Variants in ADGRV1 observed in about 807,000 individuals in gnomAD.
ADGRV1 encodes G-protein coupled receptor 98.
ADGRV1 carries 359 observed loss-of-function variants against 596.2 expected under a neutral mutation model. That is an observed-to-expected ratio of 0.60 (90% CI 0.55 to 0.66). The LOEUF is 0.66. Ranked by LOEUF, ADGRV1 falls within the 30% of genes least tolerant of loss-of-function variation. The probability of loss-of-function intolerance (pLI) is 0.00; values close to 1 mark genes in which losing one functional copy is unlikely to be tolerated. For missense variants in ADGRV1, 7,274 were observed against 7,575.6 expected, an observed-to-expected ratio of 0.96 and a Z score of 1.48; for synonymous variants, 2,681 against 2,679.2, an observed-to-expected ratio of 1.00 and a Z score of -0.02.
chr5:91,116,020 T>C (rs570251922), intron 87 of ADGRV1, among the ~76,000 whole-genome samples: 8 of 152,136 alleles, frequency 5.3e-5, no homozygotes, highest in East Asian at 1.9e-4. Context: ...TTGCGCCAAA[T>C]GGATAGCACT....
chr5:90,991,581 G>A (rs535778822), intron 85 of ADGRV1, among the ~76,000 whole-genome samples: 6 of 152,108 alleles, frequency 3.9e-5, no homozygotes, highest in African/African-American at 1.4e-4. Flanking sequence ...GTCCAGCCTA[G>A]TTTTTTAGTA....
rs748482277 is a variant in ADGRV1 at position 90,790,926 on chromosome 5, C to A, written c.14097C>A (p.Thr4699=). The change falls in exon 70 of 90, where the codon ACC becomes ACA. Residue 4699 remains threonine (T), a synonymous_variant. Transcript: ENST00000405460. ...EFDITEDFLS[T]SGFFTIADGE... Reference sequence around the variant, plus strand: ...ACATTACTGAAGACTTTCTTTCCACCAGTGGATTTTTCACCATTGCTGATG... The same window carrying A: ...ACATTACTGAAGACTTTCTTTCCACAAGTGGATTTTTCACCATTGCTGATG... 2.5e-6 allele frequency: 4 copies of A among 1,612,000 alleles called. No individual in the cohort carries two copies. Among genetic ancestry groups the A allele is most frequent in the Non-Finnish European group, 3.4e-6 (4 of 1,179,724 alleles).
chr5:90,807,831 T>C (rs1762052805), intron 73 of ADGRV1, 94 bp downstream of exon 73: 2 of 1,134,518 alleles, frequency 1.8e-6, no homozygotes. Context: ...GTTATTCTCC[T>C]TGAAGCAAAC....
chr5:90,603,344 C>T (rs1761658169), intron 1 of ADGRV1, among the ~76,000 whole-genome samples: 1 of 152,168 alleles, frequency 6.6e-6, no homozygotes, highest in Admixed American at 6.5e-5. Flanking sequence ...TTCAAACATT[C>T]CTTCACTCTA....
chr5:90,928,829 T>G (rs953625431), intron 83 of ADGRV1, among the ~76,000 whole-genome samples: 20 of 151,264 alleles, frequency 1.3e-4, no homozygotes, highest in East Asian at 3.9e-4. Flanking sequence ...GTCCTTTCTG[T>G]TTGTTAGTTT....
intron 86 of ADGRV1, among the ~76,000 whole-genome samples, chr5:91,084,582 G>C (rs1789695860): frequency 6.6e-6 from 1 of 152,162 alleles, no homozygotes; most frequent in Non-Finnish European, 1.5e-5. Flanking sequence ...GGAAAGAACA[G>C]GTGCTGGAGA....
At chr5:90,574,593 C>T (rs913257961) in intron 1 of ADGRV1, among the ~76,000 whole-genome samples, 61 of 152,148 alleles carry the variant, frequency 4.0e-4, no homozygotes, top group Non-Finnish European at 6.2e-4. Flanking sequence ...ATCGGGTTGA[C>T]GCCAGCTTCA....
chr5:91,098,158 CA>C (rs1211571402), intron 86 of ADGRV1, among the ~76,000 whole-genome samples: 1 of 152,176 alleles, frequency 6.6e-6, no homozygotes, highest in African/African-American at 2.4e-5. Context: ...AGTAGTTCAT[CA>C]AATGCGAAAT....
chr5:90,782,234 A>T (rs1254747845), intron 65 of ADGRV1, among the ~76,000 whole-genome samples: 1 of 152,150 alleles, frequency 6.6e-6, no homozygotes, highest in Non-Finnish European at 1.5e-5. Flanking sequence ...TTCTTTGGTT[A>T]TCTAGCCATT....
chr5:90,807,695 T>C lies in ADGRV1; in HGVS notation c.14930T>C (p.Leu4977Pro). The stretch of plus-strand genomic sequence containing the variant: ...TGGCCAGAGGCCTTTGTTCTTCACC[T>C]ATCAGGAGTGCAGAGCAGTGCTCCT... Reference protein sequence around the residue: ...PGWPEAFVLHLSGVQSSAPGG... With the variant: ...PGWPEAFVLHPSGVQSSAPGG... Residue 4977 changes from leucine to proline, a missense_variant, in exon 73 of 90, where the codon CTA becomes CCA. Coordinates refer to ENST00000405460, the MANE Select transcript of ADGRV1 (RefSeq NM_032119.4). The C allele has an allele frequency of 1.9e-6, 3 of 1,609,552 alleles. No homozygotes were observed. The highest frequency in any genetic ancestry group is 2.5e-6 in the Non-Finnish European group (3 of 1,176,578).
In ADGRV1 at chr5:90,652,509, G is replaced by C. The variant is rs779520200; in HGVS notation, c.3580G>C (p.Asp1194His). 13 of 1,612,964 alleles carry C rather than the reference G, an allele frequency of 8.1e-6. No homozygotes were observed. Among genetic ancestry groups the C allele is most frequent in the Middle Eastern group, 3.3e-4 (2 of 6,058 alleles). Residue 1194 changes from aspartate to histidine, a missense_variant, in exon 19 of 90, where the codon GAT (aspartate) becomes CAT (histidine). By Grantham distance (81) the Asp-to-His change is moderately conservative. This residue lies in a region of ADGRV1 where 1,715 missense variants were observed against 1,708.8 expected (regional missense o/e 1.00). Transcript: ENST00000405460. ...AKPIILHAFP[D>H]KIPEFNEFYF... ...ACCAATCATTCTCCATGCTTTTCCA[G>C]ATAAAATTCCTGAATTCAATGAATT...
chr5:90,647,584 C>G lies in ADGRV1; in HGVS notation c.3109C>G (p.Gln1037Glu). 1 of 1,613,850 alleles carries G rather than the reference C, an allele frequency of 6.2e-7. No homozygotes were observed. The highest frequency in any genetic ancestry group is 8.5e-7 in the Non-Finnish European group (1 of 1,179,810). ...ATCTGTTGATGTGACTTGCATGGTC[C>G]AGTATGCTACCAAGGATGGGAAGGC... ...NGSVDVTCMV[Q>E]YATKDGKATA... The change falls in exon 17 of 90, where the codon CAG becomes GAG. Residue 1037 changes from glutamine to glutamate, a missense_variant. Around this residue, in one of 5 missense-constraint regions of ADGRV1, gnomAD observed 1,715 missense variants for 1,708.8 expected, o/e 1.00. Transcript: ENST00000405460.
intron 75 of ADGRV1, 73 bp from the exon 76 acceptor site, chr5:90,823,352 A>T: frequency 7.0e-7 from 1 of 1,437,050 alleles, no homozygotes; most frequent in Non-Finnish European, 9.6e-7. Flanking sequence ...AGGTACCATT[A>T]TTTGATAATA....
At chr5:90,834,684 T>C (rs1254802757) in intron 77 of ADGRV1, among the ~76,000 whole-genome samples, 1 of 152,102 alleles carries the variant, frequency 6.6e-6, no homozygotes, top group Non-Finnish European at 1.5e-5. Flanking sequence ...TACTGATATC[T>C]TTCTCTACGT....
intron 6 of ADGRV1, chr5:90,626,231 A>G (rs1367465453): frequency 6.6e-6 from 1 of 152,184 alleles, no homozygotes; most frequent in Non-Finnish European, 1.5e-5. Flanking sequence ...ATTAGAAGAC[A>G]TTATTAGAAA....
chr5:91,154,890 C>T (rs528907469), intron 89 of ADGRV1, among the ~76,000 whole-genome samples: 34 of 152,260 alleles, frequency 2.2e-4, no homozygotes, highest in African/African-American at 7.5e-4. Flanking sequence ...GTTGCCTCCA[C>T]GTGGTCCTGC....
intron 88 of ADGRV1, 100 bp downstream of exon 88, chr5:91,150,321 C>T: frequency 1.1e-6 from 1 of 903,402 alleles, no homozygotes; most frequent in Non-Finnish European, 1.6e-6. Flanking sequence ...CATTGACAGG[C>T]TCTCCACCTC....
At chr5:90,589,882 T>G (rs1759248285) in intron 1 of ADGRV1, among the ~76,000 whole-genome samples, 1 of 152,164 alleles carries the variant, frequency 6.6e-6, no homozygotes, top group Non-Finnish European at 1.5e-5. Context: ...AACACCAAAA[T>G]TACTGAAAAA....
intron 16 of ADGRV1, 34 bp from the exon 17 acceptor site, chr5:90,647,464 A>G (rs1232669172): frequency 5.1e-6 from 8 of 1,576,408 alleles, no homozygotes; most frequent in South Asian, 2.4e-5. Flanking sequence ...GGAATCAGAA[A>G]AGCTCATGTG....
Sources: gnomAD v4.1 joint callset for allele counts (sites outside exome capture counted in the v4.1 genomes callset) on GRCh38, gnomAD v4.1.1 for gene constraint, gnomAD v4.1.1 regional missense constraint, MANE v1.5 for transcripts, NCBI Gene and HGNC (gene_info 2026-07-23, HGNC 2026-07-21) for gene names.